COL20A1: variants seen among roughly 807,000 people sequenced by gnomAD.
COL20A1 encodes collagen type XX alpha 1 chain.
Under a neutral mutation model 152.9 loss-of-function variants are expected in COL20A1, and 164 were observed. That is an observed-to-expected ratio of 1.07 (90% CI 0.94 to 1.22). The LOEUF is 1.22. Ranked by LOEUF, COL20A1 falls within the 50% of genes most tolerant of loss-of-function variation. The pLI, the probability that COL20A1 is intolerant of heterozygous loss-of-function variation, is 0.00. For synonymous variants in COL20A1, 864 were observed against 756.0 expected (o/e 1.14, Z -2.34); for missense variants, 1,873 against 1,744.8 (o/e 1.07, Z -1.31).
intron 25 of COL20A1, 112 bp from the exon 26 acceptor site, chr20:63,320,901 C>G: frequency 1.3e-6 from 1 of 780,250 alleles, no homozygotes; most frequent in East Asian, 2.7e-5. Context: ...CTCCCAGGTG[C>G]GGGTCTGGAA....
chr20:63,328,109 C>T lies in COL20A1; in HGVS notation c.3595C>T (p.Gln1199Ter), dbSNP rs568303152. The part of the protein sequence containing the change: ...GEPQSLATLY[Q>*]LVSQASHVSK... ...GCCGCAGTCCCTTGCCACCCTCTAC[C>T]AGCTTGTGAGCCAGGCCTGTGAGTC... The change falls in exon 33 of 36, where the codon CAG becomes TAG. Residue 1199 changes from glutamine to a stop codon, truncating the protein, a stop_gained. Transcript: ENST00000358894. LOFTEE classifies it high-confidence loss of function. 5.6e-6 allele frequency: 9 copies of T among 1,613,344 alleles called. No homozygotes were observed. The Admixed American group carries it at 1.3e-4, about 24-fold the overall frequency.
chr20:63,329,175 GGCAACCTGGGGGGAGCCCCGTGGGC>G, intron 34 of COL20A1: 1 of 203,520 alleles, frequency 4.9e-6, no homozygotes, highest in Non-Finnish European at 1.0e-5. Flanking sequence ...GGAAACTGGG[GGCAACCTGGGGGGAGCCCCGTGGGC>G]TGTGGGAACC....
At chr20:63,316,504 G>T in intron 20 of COL20A1, 49 bp from the exon 21 acceptor site, 1 of 1,517,100 alleles carries the variant, frequency 6.6e-7, no homozygotes, top group Non-Finnish European at 8.9e-7. Flanking sequence ...TCCCTCCCCT[G>T]CCATCTCTGA....
chr20:63,331,211 TCCACTGCTGG>T lies in COL20A1; in HGVS notation c.*498_*507del, dbSNP rs2068330517. 6.6e-6 allele frequency: 1 copy of T among 152,392 alleles called. No individual in the cohort carries two copies. The highest frequency in any genetic ancestry group is 2.4e-5 in the African/African-American group (1 of 41,466). 9.4% of individuals were successfully genotyped at this position (152,392 alleles called of 1,614,324 possible). Reference sequence around the variant, plus strand: ...GCGCCTCACGCAGGCAACAGATGGTTCCACTGCTGGCCCACCAGTCACCTGCACGATGGCT... The same window carrying T: ...GCGCCTCACGCAGGCAACAGATGGTTCCCACCAGTCACCTGCACGATGGCT... On this transcript the variant is annotated 3_prime_UTR_variant, in exon 36 of 36. Coordinates refer to ENST00000358894, the MANE Select transcript of COL20A1 (RefSeq NM_020882.4).
chr20:63,320,329 C>T lies in COL20A1; in HGVS notation c.3114C>T (p.Thr1038=), dbSNP rs950938307. The T allele has an allele frequency of 3.0e-5, 48 of 1,611,130 alleles. No homozygotes were observed. The highest frequency in any genetic ancestry group is 4.0e-5 in the Non-Finnish European group (47 of 1,179,864). Residue 1038 remains threonine, a synonymous_variant, in exon 25 of 36, where the codon ACC becomes ACT. Coordinates refer to ENST00000358894, the MANE Select transcript of COL20A1 (RefSeq NM_020882.4). The part of the protein sequence containing the change: ...LQMLQIVCSD[T]WADEDRCCEL... ...TGCTGCAGATCGTGTGCAGTGACAC[C>T]TGGGCCGATGAGGACCGGTGCTGTG...
rs766133107 is a variant in COL20A1, at chr20:63,329,641, C to T, written c.3838C>T (p.Gln1280Ter). The change falls in exon 35 of 36, where the codon CAG becomes TAG. Residue 1280 changes from glutamine (Q) to a stop codon, truncating the protein, a stop_gained. Coordinates refer to ENST00000358894, the MANE Select transcript of COL20A1 (RefSeq NM_020882.4). LOFTEE classifies it high-confidence loss of function. ...CCCTGGGCAGCAGGGGGCTAGCACC[C>T]AGGGCCTCTGGGAGTGACAGGTGAG... Reference protein sequence around the residue: ...GSPGQQGASTQGLWE With the variant: ...GSPGQQGAST 1.1e-5 allele frequency: 17 copies of T among 1,600,080 alleles called. No individual in the cohort carries two copies. The highest frequency in any genetic ancestry group is 8.9e-5 in the South Asian group (8 of 89,444).
At chr20:63,321,854 C>A (rs992152195) in intron 26 of COL20A1, among the ~76,000 whole-genome samples, 2 of 150,244 alleles carry the variant, frequency 1.3e-5, no homozygotes, top group Non-Finnish European at 1.5e-5. Context: ...GAACCCAGAA[C>A]TGCCTGACTA....
chr20:63,334,741 G>A lies in COL20A1; in HGVS notation c.*4025G>A, dbSNP rs1262028083. 1 of 152,184 alleles carries A rather than the reference G, an allele frequency of 6.6e-6. No individual in the cohort carries two copies. Among genetic ancestry groups the A allele is most frequent in the Non-Finnish European group, 1.5e-5 (1 of 68,044 alleles). The allele number at this position is 152,184 out of a possible 1,614,324, so 9.4% of individuals were successfully genotyped here. A position where few individuals can be genotyped will look rare whatever the true frequency, so the allele number is the denominator to read the frequency against. On this transcript the variant is annotated 3_prime_UTR_variant, in exon 36 of 36. Coordinates refer to ENST00000358894, the MANE Select transcript of COL20A1 (RefSeq NM_020882.4). ...ACCGGCCCTTAAACACAGTTTTTAGGGAAGATTCCAACTCAAACAATTTTA... is the reference window on the plus strand; with the variant it reads ...ACCGGCCCTTAAACACAGTTTTTAGAGAAGATTCCAACTCAAACAATTTTA...
intron 10 of COL20A1, 114 bp from the exon 11 acceptor site, chr20:63,310,267 G>T: frequency 8.4e-7 from 1 of 1,195,972 alleles, no homozygotes. Context: ...TGTGGGAAGT[G>T]GGGCACCCTG....
chr20:63,313,236 C>T lies in COL20A1; in HGVS notation c.2196C>T (p.Leu732=). ...RDGARSDPVS[L]RYTPSTVSRS... ...GGGCCCGCAGTGACCCTGTGTCCCT[C>T]CGCTATACCCCCTGTAGGTGCCCCT... Residue 732 remains leucine, a synonymous_variant, in exon 17 of 36, where the codon CTC becomes CTT. Transcript: ENST00000358894. The surrounding 1 kb of genome is among the most constrained non-coding windows in gnomAD (Gnocchi z 5.9). 6.2e-7 allele frequency: 1 copy of T among 1,609,688 alleles called. No homozygotes were observed. Among genetic ancestry groups the T allele is most frequent in the African/African-American group, 1.3e-5 (1 of 74,994 alleles).
intron 2 of COL20A1, among the ~76,000 whole-genome samples, chr20:63,297,038 C>T (rs1267163578): frequency 2.0e-5 from 3 of 152,220 alleles, no homozygotes; most frequent in Non-Finnish European, 4.4e-5. Flanking sequence ...GCCTGGACAC[C>T]CATCCCCCAT....
At position 63,295,084 on chromosome 20, in the gene COL20A1, C is replaced by G. The variant is rs1003950123; in HGVS notation, c.-10-14C>G. ...GGGGGACGGCTGAAGGGCATGGCCT[C>G]TTCCCTGCCACAGCCCGAGCACCAT... On this transcript the variant is annotated splice_polypyrimidine_tract_variant and intron_variant, in intron 1 of 35. Transcript: ENST00000358894. 4.6e-6 allele frequency: 7 copies of G among 1,525,804 alleles called. No individual in the cohort carries two copies. The African/African-American group carries it at 9.6e-5, about 21-fold the overall frequency. The allele number at this position is 1,525,804 out of a possible 1,614,324, so 94.5% of individuals were successfully genotyped here.
intron 14 of COL20A1, 42 bp from the exon 15 acceptor site, chr20:63,312,378 G>C: frequency 6.7e-7 from 1 of 1,495,474 alleles, no homozygotes; most frequent in Admixed American, 2.2e-5. Context: ...AGGGCTCCAG[G>C]CACCAGCTGG....
chr20:63,310,150 T>C (rs1378547839), intron 10 of COL20A1, among the ~76,000 whole-genome samples: 1 of 152,068 alleles, frequency 6.6e-6, no homozygotes, highest in African/African-American at 2.4e-5. Context: ...CCGAGGGTGC[T>C]GGGGTTAGGG....
chr20:63,318,613 G>C (rs963435063), intron 21 of COL20A1, among the ~76,000 whole-genome samples: 1 of 152,140 alleles, frequency 6.6e-6, no homozygotes, highest in African/African-American at 2.4e-5. Flanking sequence ...CCTGTGGGGT[G>C]TCCTGGGCCG....
intron 7 of COL20A1, 101 bp downstream of exon 7, chr20:63,308,191 T>C (rs1474995168): frequency 9.1e-6 from 13 of 1,429,958 alleles, no homozygotes; most frequent in African/African-American, 1.4e-5. Context: ...CTCCAAGTGG[T>C]GTGGACCTGA....
At chr20:63,312,759 T>C (rs1401586339) in intron 15 of COL20A1, 33 bp from the exon 16 acceptor site, 3 of 1,516,068 alleles carry the variant, frequency 2.0e-6, no homozygotes, top group Non-Finnish European at 2.7e-6. Context: ...GCTCAGGGGC[T>C]ACACCCCCAG....
Position 63,305,958 on chromosome 20 carries a change from TC to T in COL20A1, c.418del (p.His140ThrfsTer79). 6.2e-7 allele frequency: 1 copy of T among 1,612,322 alleles called. No individual in the cohort carries two copies. Among genetic ancestry groups the T allele is most frequent in the Non-Finnish European group, 8.5e-7 (1 of 1,179,564 alleles). On this transcript the variant is annotated frameshift_variant, in exon 5 of 36. Coordinates refer to ENST00000358894, the MANE Select transcript of COL20A1 (RefSeq NM_020882.4). LOFTEE classifies it high-confidence loss of function. The surrounding 1 kb of genome is among the most constrained non-coding windows in gnomAD (Gnocchi z 4.9). ...CTCTGGAGCCCCGGAGCCCACCCCC[TC>T]CCACACGGGGAGCCCAGACCCTGAG... Reference protein sequence around the residue: ...LGSGAPEPTPSHTGSPDPEQA... With the variant: ...LGSGAPEPTPXHTGSPDPEQA...
In COL20A1 at chr20:63,298,038, C is replaced by G; in HGVS notation, c.193+18C>G. The G allele has an allele frequency of 1.3e-6, 2 of 1,553,032 alleles. No individual in the cohort carries two copies. The highest frequency in any genetic ancestry group is 1.8e-6 in the Non-Finnish European group (2 of 1,130,438). On this transcript the variant is annotated intron_variant, in intron 3 of 35. Transcript: ENST00000358894. ...CATGGCAGGTGAGGACCTGCCCCTC[C>G]CAGGCCCCCTTCCCCATTAGCACGT...
Sources: gnomAD v4.1 joint callset for allele counts (sites outside exome capture counted in the v4.1 genomes callset) on GRCh38, gnomAD v4.1.1 for gene constraint, Gnocchi (gnomAD v3.1) non-coding constraint, MANE v1.5 for transcripts, NCBI Gene and HGNC (gene_info 2026-07-23, HGNC 2026-07-21) for gene names.